The following WDPCP variants were observed in gnomAD, a reference collection of about 807,000 sequenced individuals.
The protein encoded by WDPCP is WD repeat-containing and planar cell polarity effector protein fritz homolog.
A neutral mutation model predicts 93.1 loss-of-function variants in WDPCP; 71 were observed. The ratio of observed to expected loss-of-function variants is 0.76; its 90% CI spans 0.63 to 0.93. The LOEUF is 0.93. WDPCP is among the 40% of genes least tolerant of loss of function. The pLI, the probability that WDPCP is intolerant of heterozygous loss-of-function variation, is 0.00. For synonymous variants in WDPCP, 315 were observed against 315.0 expected, an observed-to-expected ratio of 1.00 and a Z score of 0.00; for missense variants, 844 against 887.4, an observed-to-expected ratio of 0.95 and a Z score of 0.62.
intron 14 of WDPCP, among the ~76,000 whole-genome samples, chr2:63,219,781 A>G (rs1234140953): frequency 6.6e-6 from 1 of 152,158 alleles, no homozygotes; most frequent in Non-Finnish European, 1.5e-5. Context: ...CGGGCAGATC[A>G]CGAGGTCAGG....
chr2:63,367,770 A>G (rs915308663), intron 12 of WDPCP, among the ~76,000 whole-genome samples: 3 of 152,230 alleles, frequency 2.0e-5, no homozygotes, highest in African/African-American at 7.2e-5. Flanking sequence ...TGGGCAGTCT[A>G]TGGATCAGGA....
intron 2 of WDPCP, among the ~76,000 whole-genome samples, chr2:63,665,376 A>G (rs1461734133): frequency 2.6e-5 from 4 of 152,194 alleles, no homozygotes; most frequent in Admixed American, 1.3e-4. Flanking sequence ...TTCACATGGC[A>G]TCCTCCTTGT....
At chr2:63,275,940 A>G (rs1181941027) in intron 13 of WDPCP, among the ~76,000 whole-genome samples, 4 of 57,640 alleles carry the variant, frequency 6.9e-5, no homozygotes, top group Non-Finnish European at 1.1e-4. Flanking sequence ...AAGAAAGCTG[A>G]GAGAATCCAT....
At chr2:63,718,014 T>C (rs1190458310) in intron 2 of WDPCP, 4 of 152,570 alleles carry the variant, frequency 2.6e-5, no homozygotes, top group African/African-American at 9.7e-5. Flanking sequence ...AAGATTAAAT[T>C]GTATCTGAGG....
rs1270920623 is a variant in WDPCP, at chr2:63,776,078, C to CATAT, written n.308+37543_308+37544insATAT. Among the ~76,000 whole-genome samples the CATAT allele has an allele frequency of 2.7e-4, 21 of 77,636 alleles. 1 individual carries two copies. The highest frequency in any genetic ancestry group is 7.8e-4 in the African/African-American group (21 of 26,944). The allele number at this position is 77,636 out of a possible 152,430, so 50.9% of individuals were successfully genotyped here. A position where few individuals can be genotyped will look rare whatever the true frequency, so the allele number is the denominator to read the frequency against. The stretch of plus-strand genomic sequence containing the variant: ...GACTCTGCCTATAAATACACATATA[C>CATAT]ATACATACATACATACATACATACA... On this transcript the variant is annotated intron_variant and non_coding_transcript_variant, in intron 2 of 4. Coordinates refer to the WDPCP transcript ENST00000467687.
intron 14 of WDPCP, among the ~76,000 whole-genome samples, chr2:63,186,997 A>T (rs1054797382): frequency 7.9e-5 from 12 of 152,202 alleles, no homozygotes; most frequent in African/African-American, 2.2e-4. Context: ...ATATGTATTT[A>T]TCCCTTCAAT....
chr2:63,294,848 A>G (rs1368964816), intron 13 of WDPCP, among the ~76,000 whole-genome samples: 1 of 152,182 alleles, frequency 6.6e-6, no homozygotes, highest in African/African-American at 2.4e-5. Flanking sequence ...ATACTAATTC[A>G]TTTTAAAAAT....
chr2:63,594,115 A>G (rs1024688922), intron 3 of WDPCP, among the ~76,000 whole-genome samples: 7 of 152,188 alleles, frequency 4.6e-5, no homozygotes, highest in East Asian at 1.9e-4. Flanking sequence ...TGAAGATTCT[A>G]TTGAGCAGAT....
At chr2:63,605,288 G>T in intron 3 of WDPCP, 2 of 1,612,010 alleles carry the variant, frequency 1.2e-6, no homozygotes, top group Non-Finnish European at 1.7e-6. Flanking sequence ...AGACTGTGCA[G>T]CAGCGTGGCG....
intron 2 of WDPCP, among the ~76,000 whole-genome samples, chr2:63,808,687 C>T (rs900491159): frequency 3.1e-4 from 47 of 152,304 alleles, no homozygotes; most frequent in Admixed American, 7.8e-4. Flanking sequence ...GATCTCGGCT[C>T]GCTACAACCT....
chr2:63,364,407 T>G (rs750945583), intron 12 of WDPCP, among the ~76,000 whole-genome samples: 7 of 152,358 alleles, frequency 4.6e-5, no homozygotes, highest in Non-Finnish European at 7.3e-5. Context: ...ATTAGTTTAA[T>G]GCTGAATCAT....
intron 15 of WDPCP, among the ~76,000 whole-genome samples, chr2:63,172,679 G>A (rs1673485976): frequency 1.3e-5 from 2 of 152,116 alleles, no homozygotes; most frequent in South Asian, 2.1e-4. Flanking sequence ...TGAAGACAGA[G>A]AATGTCCAAA....
At chr2:63,295,880 C>CAAAAAAAAAAAA (rs59418675) in intron 13 of WDPCP, among the ~76,000 whole-genome samples, 1 of 115,224 alleles carries the variant, frequency 8.7e-6, no homozygotes, top group African/African-American at 3.4e-5. Context: ...GAAACTATTC[C>CAAAAAAAAAAAA]AAAAAAAAAA....
chr2:63,429,841 A>C (rs1310362200), intron 9 of WDPCP, among the ~76,000 whole-genome samples: 1 of 152,160 alleles, frequency 6.6e-6, no homozygotes, highest in Non-Finnish European at 1.5e-5. Flanking sequence ...CTGGGTATAC[A>C]CTGAAAAGAA....
intron 12 of WDPCP, among the ~76,000 whole-genome samples, chr2:63,333,421 A>G (rs1688123502): frequency 6.6e-6 from 1 of 152,144 alleles, no homozygotes; most frequent in African/African-American, 2.4e-5. Flanking sequence ...CTTCCTTTGC[A>G]GATCCAGGAG....
chr2:63,306,002 A>G (rs1685706988), intron 13 of WDPCP, among the ~76,000 whole-genome samples: 1 of 152,216 alleles, frequency 6.6e-6, no homozygotes, highest in South Asian at 2.1e-4. Flanking sequence ...TGCTAGCCAG[A>G]CTAATAAAGA....
intron 3 of WDPCP, among the ~76,000 whole-genome samples, chr2:63,612,555 T>A (rs186063154): frequency 3.9e-5 from 6 of 152,316 alleles, no homozygotes; most frequent in Admixed American, 1.3e-4. Context: ...AGACAGAAAG[T>A]TGGCACTGAC....
intron 2 of WDPCP, among the ~76,000 whole-genome samples, chr2:63,756,579 T>A (rs947181927): frequency 2.6e-5 from 4 of 152,210 alleles, no homozygotes; most frequent in African/African-American, 7.2e-5. Flanking sequence ...AAGTTGGGAA[T>A]CTTGACTCTA....
intron 10 of WDPCP, among the ~76,000 whole-genome samples, chr2:63,401,804 C>CA (rs1403584518): frequency 2.0e-5 from 3 of 150,850 alleles, no homozygotes; most frequent in African/African-American, 7.3e-5. Context: ...GACTGTGTCT[C>CA]AAAAAAAAGG....
Sources: allele counts gnomAD v4.1 joint callset (sites outside exome capture counted in the v4.1 genomes callset), GRCh38; gene constraint gnomAD v4.1.1; transcripts MANE v1.5; gene names NCBI Gene and HGNC (gene_info 2026-07-23, HGNC 2026-07-21).